The following FOXL2NB variants were observed in gnomAD, a reference collection of about 807,000 sequenced individuals.
The protein encoded by FOXL2NB is FOXL2 neighbor protein.
In FOXL2NB, 10 loss-of-function variants were observed where a neutral mutation model predicts 7.4. The observed-to-expected ratio is 1.34, with a 90% confidence interval of 0.83 to 2.28. The LOEUF (loss-of-function observed/expected upper bound fraction) is 2.28, where lower values mean the gene tolerates loss of function less well. FOXL2NB is among the 30% of genes most tolerant of loss of function. The pLI is 0.00. For missense variants in FOXL2NB, 228 were observed against 233.9 expected (o/e 0.97, Z 0.17); for synonymous variants, 104 against 105.3 (o/e 0.99, Z 0.08).
In FOXL2NB at chr3:138,947,922, C is replaced by T; in HGVS notation, c.100+458C>T. ...TTGCGGGACTGTGTATGTGTGTGCA[C>T]AGGGGTCACATATGGAAGTCATGGA... On this transcript the variant is annotated intron_variant, in intron 1 of 2. Transcript: ENST00000383165. This position sits in a 1 kb window ranked among gnomAD's most constrained non-coding sequence, Gnocchi z 5.2. 1.0e-6 allele frequency: 1 copy of T among 987,630 alleles called. No homozygotes were observed. The highest frequency in any genetic ancestry group is 1.2e-6 in the Non-Finnish European group (1 of 831,574). 61.2% of individuals were successfully genotyped at this position (987,630 alleles called of 1,614,324 possible). A position where few individuals can be genotyped will look rare whatever the true frequency, so the allele number is the denominator to read the frequency against.
intron 2 of FOXL2NB, 120 bp from the exon 3 acceptor site, chr3:138,950,145 C>A: frequency 9.1e-7 from 1 of 1,094,454 alleles, no homozygotes; most frequent in Non-Finnish European, 1.4e-6. Flanking sequence ...TCCAGTGAAC[C>A]GCCGATTGAG....
Position 138,950,450 on chromosome 3 carries a change from C to G in FOXL2NB, c.406C>G (p.Arg136Gly). ...VPLSPFLAGP[R>G]NTRRLPAPER... ...GCTGTCCCCTTTCCTAGCGGGACCCCGAAACACCCGGCGGCTTCCCGCTCC... is the reference window on the plus strand; with the variant it reads ...GCTGTCCCCTTTCCTAGCGGGACCCGGAAACACCCGGCGGCTTCCCGCTCC... Residue 136 changes from arginine (R) to glycine (G), a missense_variant, in exon 3 of 3, where the codon CGA becomes GGA. By Grantham distance (125) the Arg-to-Gly change is moderately radical (BLOSUM62 -2). Transcript: ENST00000383165. 1 of 1,614,084 alleles carries G rather than the reference C, an allele frequency of 6.2e-7. No homozygotes were observed. The highest frequency in any genetic ancestry group is 8.5e-7 in the Non-Finnish European group (1 of 1,180,020).
chr3:138,950,553 A>T lies in FOXL2NB; in HGVS notation c.509A>T (p.Lys170Met). ...WPLRCLASKG[K>M]LHCVY The stretch of plus-strand genomic sequence containing the variant: ...CTGCGGTGCTTGGCTAGCAAAGGGA[A>T]GCTTCACTGTGTCTATTAGTACATC... The change falls in exon 3 of 3, where the codon AAG becomes ATG. Residue 170 changes from lysine (K) to methionine (M), a missense_variant. Physicochemically the swap from Lys to Met is moderately conservative, Grantham distance 95. Transcript: ENST00000383165. 1.2e-6 allele frequency: 2 copies of T among 1,614,158 alleles called. No individual in the cohort carries two copies. The highest frequency in any genetic ancestry group is 1.7e-6 in the Non-Finnish European group (2 of 1,180,026).
Position 138,949,896 on chromosome 3 carries a change from C to G in FOXL2NB, c.220+257C>G. ...CGGGATCCTCTCTGAACAGGGCATA[C>G]TGTGCCTAGGTTTTGTGGACGCCAG... On this transcript the variant is annotated intron_variant, in intron 2 of 2. Transcript: ENST00000383165. This position sits in a 1 kb window ranked among gnomAD's most constrained non-coding sequence, Gnocchi z 4.5. The G allele has an allele frequency of 1.4e-6, 1 of 694,516 alleles. No individual in the cohort carries two copies. Among genetic ancestry groups the G allele is most frequent in the Non-Finnish European group, 2.6e-6 (1 of 382,468 alleles). The allele number at this position is 694,516 out of a possible 1,614,324, so 43.0% of individuals were successfully genotyped here. A position where few individuals can be genotyped will look rare whatever the true frequency, so the allele number is the denominator to read the frequency against.
chr3:138,950,981 C>T lies in FOXL2NB; in HGVS notation c.*409C>T, dbSNP rs994073001. ...GCCTGTGATTCGGGTGACTGGGCTGCCACCTGGGTGTTTTCATGATGGGAC... is the reference window on the plus strand; with the variant it reads ...GCCTGTGATTCGGGTGACTGGGCTGTCACCTGGGTGTTTTCATGATGGGAC... On this transcript the variant is annotated 3_prime_UTR_variant, in exon 3 of 3. Transcript: ENST00000383165. The T allele has an allele frequency of 2.5e-5, 6 of 240,512 alleles. No individual in the cohort carries two copies. Among genetic ancestry groups the T allele is most frequent in the Non-Finnish European group, 4.0e-5 (5 of 125,362 alleles). The allele number at this position is 240,512 out of a possible 1,614,324, so 14.9% of individuals were successfully genotyped here.
At position 138,949,438 on chromosome 3, in the gene FOXL2NB, G is replaced by T; in HGVS notation, c.101-82G>T. On this transcript the variant is annotated intron_variant, in intron 1 of 2. Coordinates refer to ENST00000383165, the MANE Select transcript of FOXL2NB (RefSeq NM_001040061.3). This position sits in a 1 kb window ranked among gnomAD's most constrained non-coding sequence, Gnocchi z 4.5. ...TGTGTAGGGGTTGGGGGCAAATGAAGGAGTTCCTCTGAAGGATTTTCAGAA... is the reference window on the plus strand; with the variant it reads ...TGTGTAGGGGTTGGGGGCAAATGAATGAGTTCCTCTGAAGGATTTTCAGAA... 1 of 1,510,698 alleles carries T rather than the reference G, an allele frequency of 6.6e-7. No homozygotes were observed. Among genetic ancestry groups the T allele is most frequent in the African/African-American group, 1.4e-5 (1 of 71,330 alleles). The allele number at this position is 1,510,698 out of a possible 1,614,324, so 93.6% of individuals were successfully genotyped here. A position where few individuals can be genotyped will look rare whatever the true frequency, so the allele number is the denominator to read the frequency against.
rs530645680 is a variant in FOXL2NB at position 138,950,366 on chromosome 3, G to A, written c.322G>A (p.Ala108Thr). The A allele has an allele frequency of 1.2e-5, 19 of 1,612,076 alleles. 1 individual carries two copies. The highest frequency in any genetic ancestry group is 1.1e-4 in the South Asian group (10 of 91,024). ...TCGCGGCTGCTCTGAGGCAGGCAGC[G>A]CTTCGCTAGAACCACTCAGCTCGTC... ...KRRGCSEAGS[A>T]SLEPLSSSRA... The change falls in exon 3 of 3, where the codon GCT becomes ACT. Residue 108 changes from alanine (A) to threonine (T), a missense_variant. Coordinates refer to ENST00000383165, the MANE Select transcript of FOXL2NB (RefSeq NM_001040061.3).
rs561333796 is a variant in FOXL2NB, at chr3:138,949,106, G to T, written c.101-414G>T. Among the ~76,000 whole-genome samples, 1 of 152,250 alleles carries T rather than the reference G, an allele frequency of 6.6e-6. No individual in the cohort carries two copies. The highest frequency in any genetic ancestry group is 2.1e-4 in the South Asian group (1 of 4,820). ...GGGGCTGCTGCAGATTGGCCTCAGT[G>T]CCTATCCTCCCCCAGCCAGGGCCTG... On this transcript the variant is annotated intron_variant, in intron 1 of 2. Transcript: ENST00000383165. The surrounding 1 kb of genome is among the most constrained non-coding windows in gnomAD (Gnocchi z 4.5).
Position 138,947,457 on chromosome 3 carries a change from G to A in FOXL2NB, c.93G>A (p.Arg31=). The A allele has an allele frequency of 6.5e-7, 1 of 1,541,402 alleles. No individual in the cohort carries two copies. The highest frequency in any genetic ancestry group is 2.5e-5 in the East Asian group (1 of 40,544). ...GAAAGGCGCTCCAAGCCTCCTCGCG[G>A]CTTTCAGGTGAAAGAAAACGACTCC... ...QRGKALQASS[R]LSESPALVKK... The change falls in exon 1 of 3, where the codon CGG becomes CGA. Residue 31 remains arginine, a synonymous_variant. Coordinates refer to ENST00000383165, the MANE Select transcript of FOXL2NB (RefSeq NM_001040061.3). This position sits in a 1 kb window ranked among gnomAD's most constrained non-coding sequence, Gnocchi z 5.2.
Position 138,950,124 on chromosome 3 carries a change from G to A in FOXL2NB, c.221-141G>A, listed in dbSNP as rs1295550029. On this transcript the variant is annotated intron_variant, in intron 2 of 2. Transcript: ENST00000383165. ...CCGTGGTCCCACCGTAGCGCCGCCTGCGGATACGGTTCCAGTGAACCGCCG... is the reference window on the plus strand; with the variant it reads ...CCGTGGTCCCACCGTAGCGCCGCCTACGGATACGGTTCCAGTGAACCGCCG... The A allele has an allele frequency of 4.4e-6, 4 of 919,310 alleles. No homozygotes were observed. The Admixed American group carries it at 8.0e-5, about 18-fold the overall frequency. The allele number at this position is 919,310 out of a possible 1,614,324, so 56.9% of individuals were successfully genotyped here. A position where few individuals can be genotyped will look rare whatever the true frequency, so the allele number is the denominator to read the frequency against.
chr3:138,947,299 A>C lies in FOXL2NB; in HGVS notation c.-66A>C. ...CCCGCCCAGCGAGCCTCAGGGGCCC[A>C]GCCGACAGCCAGGCTCACGCGCCCT... On this transcript the variant is annotated 5_prime_UTR_variant, in exon 1 of 3. Transcript: ENST00000383165. The surrounding 1 kb of genome is among the most constrained non-coding windows in gnomAD (Gnocchi z 5.2). 7.5e-7 allele frequency: 1 copy of C among 1,338,160 alleles called. No homozygotes were observed. The highest frequency in any genetic ancestry group is 1.0e-6 in the Non-Finnish European group (1 of 969,328). The allele number at this position is 1,338,160 out of a possible 1,614,324, so 82.9% of individuals were successfully genotyped here. A position where few individuals can be genotyped will look rare whatever the true frequency, so the allele number is the denominator to read the frequency against.
At position 138,947,503 on chromosome 3, in the gene FOXL2NB, C is replaced by T. The variant is rs570002073; in HGVS notation, c.100+39C>T. 2.0e-6 allele frequency: 3 copies of T among 1,513,586 alleles called. No homozygotes were observed. Among genetic ancestry groups the T allele is most frequent in the Admixed American group, 2.1e-5 (1 of 47,622 alleles). 93.8% of individuals were successfully genotyped at this position (1,513,586 alleles called of 1,614,324 possible). Reference sequence around the variant, plus strand: ...ACTCCTTTGCTCTGCCGTTTGCTGCCGTCTTGAGGCTGAACTTCTAGCTCG... The same window carrying T: ...ACTCCTTTGCTCTGCCGTTTGCTGCTGTCTTGAGGCTGAACTTCTAGCTCG... On this transcript the variant is annotated intron_variant, in intron 1 of 2. Coordinates refer to ENST00000383165, the MANE Select transcript of FOXL2NB (RefSeq NM_001040061.3). The surrounding 1 kb of genome is among the most constrained non-coding windows in gnomAD (Gnocchi z 5.2).
At position 138,952,512 on chromosome 3, in the gene FOXL2NB, C is replaced by CT. The variant is rs570190507; in HGVS notation, c.*1953dup. ...GTGTGCACTATAACTTTATGAAACA[C>CT]TTTTTTTTTTTTTGAGACAGGGTCT... On this transcript the variant is annotated 3_prime_UTR_variant, in exon 3 of 3. Transcript: ENST00000383165. 5,567 of 142,106 alleles carry CT rather than the reference C, an allele frequency of 0.039. 445 individuals carry two copies. Among genetic ancestry groups the CT allele is most frequent in the Admixed American group, 0.21 (2,964 of 14,326 alleles). The allele number at this position is 142,106 out of a possible 1,614,324, so 8.8% of individuals were successfully genotyped here.
At position 138,947,512 on chromosome 3, in the gene FOXL2NB, G is replaced by A. The variant is rs1936014293; in HGVS notation, c.100+48G>A. 4 of 1,517,504 alleles carry A rather than the reference G, an allele frequency of 2.6e-6. No individual in the cohort carries two copies. The highest frequency in any genetic ancestry group is 1.4e-5 in the African/African-American group (1 of 71,512). The allele number at this position is 1,517,504 out of a possible 1,614,324, so 94.0% of individuals were successfully genotyped here. A position where few individuals can be genotyped will look rare whatever the true frequency, so the allele number is the denominator to read the frequency against. ...CTCTGCCGTTTGCTGCCGTCTTGAG[G>A]CTGAACTTCTAGCTCGGGGCTGGGG... On this transcript the variant is annotated intron_variant, in intron 1 of 2. Transcript: ENST00000383165. The surrounding 1 kb of genome is among the most constrained non-coding windows in gnomAD (Gnocchi z 5.2).
rs868170862 is a variant in FOXL2NB at position 138,949,391 on chromosome 3, C to T, written c.101-129C>T. On this transcript the variant is annotated intron_variant, in intron 1 of 2. Coordinates refer to ENST00000383165, the MANE Select transcript of FOXL2NB (RefSeq NM_001040061.3). The surrounding 1 kb of genome is among the most constrained non-coding windows in gnomAD (Gnocchi z 4.5). ...AAGAGCCTGTGTGTGTATGCATGTGCGTGTGTGTGTGTGTGTGTGTGTGTG... is the reference window on the plus strand; with the variant it reads ...AAGAGCCTGTGTGTGTATGCATGTGTGTGTGTGTGTGTGTGTGTGTGTGTG... The T allele has an allele frequency of 1.7e-4, 143 of 818,062 alleles. No individual in the cohort carries two copies. The highest frequency in any genetic ancestry group is 3.6e-4 in the Middle Eastern group (1 of 2,802). 50.7% of individuals were successfully genotyped at this position (818,062 alleles called of 1,614,324 possible).
Position 138,950,752 on chromosome 3 carries a change from C to A in FOXL2NB, c.*180C>A. ...CTCCAAATCCCCTCTAGTTCTCCCT[C>A]CCCTCCTACTTCTCTCACACTCACC... is the stretch of plus-strand genomic sequence containing the variant. On this transcript the variant is annotated 3_prime_UTR_variant, in exon 3 of 3. Coordinates refer to ENST00000383165, the MANE Select transcript of FOXL2NB (RefSeq NM_001040061.3). The A allele has an allele frequency of 3.1e-6, 2 of 638,428 alleles. No individual in the cohort carries two copies. The highest frequency in any genetic ancestry group is 5.4e-6 in the Non-Finnish European group (2 of 373,828). 39.5% of individuals were successfully genotyped at this position (638,428 alleles called of 1,614,324 possible).
chr3:138,950,877 C>G lies in FOXL2NB; in HGVS notation c.*305C>G. ...TTTCACACGCTGCTCACTTTCGCAT[C>G]TCACGGTGCAGAAGGACCAATGGGC... On this transcript the variant is annotated 3_prime_UTR_variant, in exon 3 of 3. Coordinates refer to ENST00000383165, the MANE Select transcript of FOXL2NB (RefSeq NM_001040061.3). 1 of 398,794 alleles carries G rather than the reference C, an allele frequency of 2.5e-6. No homozygotes were observed. The highest frequency in any genetic ancestry group is 4.5e-6 in the Non-Finnish European group (1 of 222,746). The allele number at this position is 398,794 out of a possible 1,614,324, so 24.7% of individuals were successfully genotyped here.
rs755868767 is a variant in FOXL2NB, at chr3:138,950,078, G to A, written c.221-187G>A. The A allele has an allele frequency of 6.3e-5, 46 of 730,682 alleles. 1 individual carries two copies. The highest frequency in any genetic ancestry group is 1.1e-4 in the Non-Finnish European group (45 of 411,256). 45.3% of individuals were successfully genotyped at this position (730,682 alleles called of 1,614,324 possible). ...TCCAGGGTCCCGCAGCTGCAATTCA[G>A]CAGCCACCGGCGCCTCCTGACCGTG... On this transcript the variant is annotated intron_variant, in intron 2 of 2. Coordinates refer to ENST00000383165, the MANE Select transcript of FOXL2NB (RefSeq NM_001040061.3).
At chr3:138,950,205 G>A (rs775146901) in intron 2 of FOXL2NB, 60 bp from the exon 3 acceptor site, 3 of 1,561,394 alleles carry the variant, frequency 1.9e-6, no homozygotes, top group Non-Finnish European at 1.7e-6. Flanking sequence ...GCGCCTCGGA[G>A]GTCCCGACAG....
Sources: allele counts gnomAD v4.1 joint callset (sites outside exome capture counted in the v4.1 genomes callset), GRCh38; gene constraint gnomAD v4.1.1; non-coding constraint Gnocchi (gnomAD v3.1); transcripts MANE v1.5; gene names NCBI Gene and HGNC (gene_info 2026-07-23, HGNC 2026-07-21).